SLC6A6: variants seen among roughly 807,000 people sequenced by gnomAD.
SLC6A6 encodes the protein solute carrier family 6 member 6, also known as sodium- and chloride-dependent taurine transporter.
Under a neutral mutation model 68.8 loss-of-function variants are expected in SLC6A6, and 16 were observed. The ratio of observed to expected loss-of-function variants is 0.23; its 90% CI spans 0.16 to 0.35. SLC6A6 has a LOEUF of 0.35. Ranked by LOEUF, SLC6A6 falls within the 10% of genes least tolerant of loss-of-function variation. SLC6A6 has a pLI of 1.00. For synonymous variants in SLC6A6, 312 were observed against 315.4 expected (o/e 0.99, Z 0.12); for missense variants, 474 against 802.8 (o/e 0.59, Z 4.95).
At chr3:14,466,440 C>T in intron 6 of SLC6A6, 76 bp from the exon 7 acceptor site, 1 of 1,501,258 alleles carries the variant, frequency 6.7e-7, no homozygotes, top group Non-Finnish European at 9.1e-7. Context: ...CTCCCCTCTG[C>T]CTCTCTGAGA....
intron 2 of SLC6A6, among the ~76,000 whole-genome samples, chr3:14,418,701 A>G (rs1361679529): frequency 1.3e-5 from 2 of 152,234 alleles, no homozygotes; most frequent in Non-Finnish European, 2.9e-5. Context: ...TGAGAAATTC[A>G]TTGAGCGCTT....
At chr3:14,419,536 AG>A (rs1223645894) in intron 2 of SLC6A6, among the ~76,000 whole-genome samples, 1 of 152,200 alleles carries the variant, frequency 6.6e-6, no homozygotes, top group Non-Finnish European at 1.5e-5. Context: ...GGCAGTCCCT[AG>A]TTCAAATCTC....
chr3:14,428,907 GC>G (rs1299971200), intron 2 of SLC6A6, among the ~76,000 whole-genome samples: 2 of 152,202 alleles, frequency 1.3e-5, no homozygotes, highest in African/African-American at 4.8e-5. Context: ...AGTGAGGGGA[GC>G]CCCTAAGTCC....
At chr3:14,415,523 T>A (rs1342586173) in intron 1 of SLC6A6, among the ~76,000 whole-genome samples, 2 of 152,094 alleles carry the variant, frequency 1.3e-5, no homozygotes, top group Admixed American at 6.5e-5. Context: ...TTTCTGCTGA[T>A]CCCAGTTTAA....
chr3:14,467,717 C>T, intron 7 of SLC6A6, 136 bp from the exon 8 acceptor site: 4 of 613,806 alleles, frequency 6.5e-6, no homozygotes, highest in Non-Finnish European at 8.7e-6. Context: ...TGGATTCGAG[C>T]ATAAATGTTC....
Position 14,479,093 on chromosome 3 carries a change from A to G in SLC6A6, c.1459A>G (p.Asn487Asp), listed in dbSNP as rs1051579465. Residue 487 changes from asparagine (N) to aspartate (D), a missense_variant, in exon 13 of 15, where the codon AAC becomes GAC. Physicochemically the swap from Asn to Asp is conservative, Grantham distance 23 (BLOSUM62 1). Transcript: ENST00000622186. ...CCCTCTGTCTCTTGCAGGAGGTGAT[A>G]ACCTTTATGATGGTATTGAGGACAT... is the stretch of plus-strand genomic sequence containing the variant. ...FVIAWIYGGD[N>D]LYDGIEDMIG... 6.2e-7 allele frequency: 1 copy of G among 1,609,960 alleles called. No homozygotes were observed. The highest frequency in any genetic ancestry group is 8.5e-7 in the Non-Finnish European group (1 of 1,176,362).
chr3:14,448,343 G>A (rs1453914617), intron 5 of SLC6A6, among the ~76,000 whole-genome samples: 2 of 152,206 alleles, frequency 1.3e-5, no homozygotes, highest in Admixed American at 6.5e-5. Flanking sequence ...CTTGTTGGCA[G>A]TTTGGGCTGA....
At chr3:14,448,444 G>A (rs1050690171) in intron 5 of SLC6A6, among the ~76,000 whole-genome samples, 3 of 152,112 alleles carry the variant, frequency 2.0e-5, no homozygotes, top group African/African-American at 2.4e-5. Context: ...GGGTTTGGCC[G>A]GCTATTGGCT....
chr3:14,475,115 T>G (rs966373325), intron 10 of SLC6A6, among the ~76,000 whole-genome samples: 3 of 152,218 alleles, frequency 2.0e-5, no homozygotes, highest in African/African-American at 7.2e-5. Context: ...CACTGCAACT[T>G]CTGCCTCCTG....
intron 9 of SLC6A6, among the ~76,000 whole-genome samples, chr3:14,469,691 C>T (rs1353807583): frequency 2.6e-5 from 4 of 152,234 alleles, no homozygotes; most frequent in Non-Finnish European, 5.9e-5. Context: ...CATGCAACAA[C>T]CTCTGGCCCT....
chr3:14,441,087 G>A (rs1387801077), intron 2 of SLC6A6, among the ~76,000 whole-genome samples: 5 of 152,132 alleles, frequency 3.3e-5, no homozygotes, highest in Admixed American at 6.5e-5. Flanking sequence ...GAGGGTTCTC[G>A]AATATTAGTG....
intron 1 of SLC6A6, among the ~76,000 whole-genome samples, chr3:14,404,429 C>T (rs923581178): frequency 1.3e-5 from 2 of 152,142 alleles, no homozygotes; most frequent in African/African-American, 4.8e-5. Context: ...CAGGGTGGGA[C>T]TGGTAGAATG....
At chr3:14,408,673 C>T (rs772568317) in intron 1 of SLC6A6, among the ~76,000 whole-genome samples, 3 of 152,284 alleles carry the variant, frequency 2.0e-5, no homozygotes, top group East Asian at 3.9e-4. Flanking sequence ...AAACTTTATC[C>T]AGGTGTGCAT....
chr3:14,467,801 C>T (rs1279883453), intron 7 of SLC6A6, 52 bp from the exon 8 acceptor site: 41 of 1,184,840 alleles, frequency 3.5e-5, no homozygotes, highest in Non-Finnish European at 4.3e-5. Context: ...CTCCAGGAAG[C>T]CAGCTCTGAC....
intron 5 of SLC6A6, among the ~76,000 whole-genome samples, chr3:14,456,841 G>T (rs1434348682): frequency 1.3e-5 from 2 of 152,232 alleles, no homozygotes; most frequent in Non-Finnish European, 2.9e-5. Flanking sequence ...TCTTCCAGGG[G>T]TTCGCAAACA....
chr3:14,439,255 T>A (rs1699928788), intron 2 of SLC6A6, among the ~76,000 whole-genome samples: 1 of 152,228 alleles, frequency 6.6e-6, no homozygotes, highest in Non-Finnish European at 1.5e-5. Context: ...CCTTTATCTA[T>A]AAACTACCAA....
chr3:14,466,148 G>C (rs1176219583), intron 6 of SLC6A6, among the ~76,000 whole-genome samples: 2 of 151,852 alleles, frequency 1.3e-5, no homozygotes, highest in Non-Finnish European at 2.9e-5. Context: ...CGTAATCCCA[G>C]CTACTCGAGA....
At chr3:14,443,908 C>T (rs369879705) in intron 3 of SLC6A6, 45 bp downstream of exon 3, 119 of 1,367,344 alleles carry the variant, frequency 8.7e-5, no homozygotes, top group South Asian at 8.5e-4. Context: ...AGTACAAAGC[C>T]GCCTTAGAGC....
rs146953899 is a variant in SLC6A6 at position 14,484,960 on chromosome 3, G to A, written c.1816G>A (p.Gly606Ser). The change falls in exon 15 of 15, where the codon GGC (glycine) becomes AGC (serine). Residue 606 changes from glycine (G) to serine (S), a missense_variant. Around this residue, in one of 2 missense-constraint regions of SLC6A6, gnomAD observed 194 missense variants for 269.8 expected, o/e 0.72. Coordinates refer to ENST00000622186, the MANE Select transcript of SLC6A6 (RefSeq NM_003043.6). ...TTACAACTCTCGCACCGTCATGAAC[G>A]GCGCTCTCGTGAAACCGACCCACAT... Reference protein sequence around the residue: ...TPYNSRTVMNGALVKPTHIIV... With the variant: ...TPYNSRTVMNSALVKPTHIIV... The A allele has an allele frequency of 2.5e-4, 402 of 1,612,906 alleles. 1 individual carries two copies. Among genetic ancestry groups the A allele is most frequent in the Non-Finnish European group, 3.0e-4 (357 of 1,179,756 alleles).
Sources: allele counts gnomAD v4.1 joint callset (sites outside exome capture counted in the v4.1 genomes callset), GRCh38; gene constraint gnomAD v4.1.1; regional missense constraint gnomAD v4.1.1; transcripts MANE v1.5; gene names NCBI Gene and HGNC (gene_info 2026-07-23, HGNC 2026-07-21).